DPH6: variants seen among roughly 807,000 people sequenced by gnomAD.
The protein encoded by DPH6 is diphthamine biosynthesis 6, also known as diphthine--ammonia ligase.
DPH6 carries 33 observed loss-of-function variants against 38.2 expected under a neutral mutation model. The observed-to-expected ratio is 0.86, with a 90% confidence interval of 0.65 to 1.15. The LOEUF (loss-of-function observed/expected upper bound fraction) is 1.15. DPH6 is among the 50% of genes most tolerant of loss of function. DPH6 has a pLI of 0.00. For synonymous variants in DPH6, 108 were observed against 103.0 expected (o/e 1.05, Z -0.30); for missense variants, 325 against 320.0 (o/e 1.02, Z -0.12).
chr15:35,436,382 C>T (rs960490310), intron 5 of DPH6, among the ~76,000 whole-genome samples: 156 of 151,992 alleles, frequency 1.0e-3, no homozygotes, highest in African/African-American at 3.6e-3. Flanking sequence ...AGGAGAATGG[C>T]GTGAACCAGG....
At chr15:35,469,656 T>C (rs904223571) in intron 3 of DPH6, among the ~76,000 whole-genome samples, 1 of 152,044 alleles carries the variant, frequency 6.6e-6, no homozygotes, top group Non-Finnish European at 1.5e-5. Context: ...AGATGTTGAG[T>C]GCCAATTGGA....
chr15:35,226,246 A>G (rs1190925805), intron 3 of DPH6, among the ~76,000 whole-genome samples: 1 of 152,248 alleles, frequency 6.6e-6, no homozygotes, highest in Non-Finnish European at 1.5e-5. Context: ...ATATTAGTGT[A>G]GTATGGTGAT....
At chr15:35,507,799 C>G (rs1174279398) in intron 3 of DPH6, among the ~76,000 whole-genome samples, 2 of 151,966 alleles carry the variant, frequency 1.3e-5, no homozygotes, top group Non-Finnish European at 2.9e-5. Flanking sequence ...GGGTTTTCAA[C>G]TCTTTAATCT....
chr15:35,222,546 T>G (rs1192027520), intron 3 of DPH6, among the ~76,000 whole-genome samples: 4 of 149,940 alleles, frequency 2.7e-5, no homozygotes, highest in Non-Finnish European at 4.4e-5. Flanking sequence ...AAGGGGGGGG[T>G]TTCAGGTCAT....
At chr15:35,248,451 A>G (rs2051650278) in intron 3 of DPH6, among the ~76,000 whole-genome samples, 1 of 152,222 alleles carries the variant, frequency 6.6e-6, no homozygotes, top group African/African-American at 2.4e-5. Context: ...AGAGAGGACA[A>G]GAAGAATCTG....
At chr15:35,207,976 A>G in the DPH6 span, among the ~76,000 whole-genome samples, 2 of 152,308 alleles carry the variant, frequency 1.3e-5, no homozygotes, top group East Asian at 3.9e-4. Flanking sequence ...AAGCTCTATT[A>G]CGATGACCAG....
chr15:35,527,832 C>T (rs984407514), intron 3 of DPH6, among the ~76,000 whole-genome samples: 1 of 151,972 alleles, frequency 6.6e-6, no homozygotes, highest in Non-Finnish European at 1.5e-5. Flanking sequence ...CCTAGCAGAA[C>T]GATGCTAAGC....
At chr15:35,157,855 C>G in the DPH6 span, among the ~76,000 whole-genome samples, 1 of 151,730 alleles carries the variant, frequency 6.6e-6, no homozygotes, top group Non-Finnish European at 1.5e-5. Flanking sequence ...GAAAGAAAGC[C>G]TAGCTTTTAA....
intron 1 of DPH6, among the ~76,000 whole-genome samples, chr15:35,542,948 AT>A (rs1178084338): frequency 2.0e-5 from 2 of 102,254 alleles, no homozygotes; most frequent in Non-Finnish European, 4.0e-5. Context: ...CTTAAGGAAT[AT>A]ATATATATAT....
chr15:35,229,609 TTGTC>T (rs2140391411), intron 3 of DPH6, among the ~76,000 whole-genome samples: 1 of 152,300 alleles, frequency 6.6e-6, no homozygotes, highest in Non-Finnish European at 1.5e-5. Context: ...TTATAGATGT[TTGTC>T]TGTGTCTGGG....
intron 3 of DPH6, among the ~76,000 whole-genome samples, chr15:35,336,972 G>C (rs9630445): frequency 0.03 from 4,544 of 152,134 alleles, 230 homozygotes; most frequent in African/African-American, 0.1. Flanking sequence ...AAATGAGTTA[G>C]GGAGGATTCC....
At chr15:35,193,386 G>C in the DPH6 span, among the ~76,000 whole-genome samples, 3 of 151,570 alleles carry the variant, frequency 2.0e-5, no homozygotes, top group South Asian at 4.2e-4. Context: ...ATAATATTTC[G>C]ATAAATTAAT....
chr15:35,446,924 A>G (rs903010501), intron 5 of DPH6, among the ~76,000 whole-genome samples: 2 of 150,430 alleles, frequency 1.3e-5, no homozygotes, highest in Admixed American at 6.6e-5. Context: ...GCTGGAGTGC[A>G]GTGGCGTGAT....
intron 6 of DPH6, among the ~76,000 whole-genome samples, chr15:35,399,244 T>G (rs910116564): frequency 3.9e-5 from 6 of 152,112 alleles, no homozygotes; most frequent in Non-Finnish European, 5.9e-5. Context: ...GATGGGGTAT[T>G]ATAGCTTTAA....
intron 6 of DPH6, chr15:35,400,891 G>A (rs2053208422): frequency 4.1e-6 from 4 of 963,990 alleles, no homozygotes; most frequent in African/African-American, 3.2e-5. Context: ...TGTGGAGGAG[G>A]TGGATGCAGC....
intron 3 of DPH6, among the ~76,000 whole-genome samples, chr15:35,224,979 T>C (rs1266552998): frequency 1.3e-5 from 2 of 152,206 alleles, no homozygotes; most frequent in African/African-American, 2.4e-5. Flanking sequence ...CCAGATTTTA[T>C]TCATATTTCA....
the DPH6 span, among the ~76,000 whole-genome samples, chr15:35,206,467 T>C: frequency 9.2e-5 from 14 of 152,316 alleles, no homozygotes; most frequent in African/African-American, 3.1e-4. Context: ...CTCTGCCTCC[T>C]ACAGGACAAA....
chr15:35,379,573 G>C (rs2052835304), intron 7 of DPH6, among the ~76,000 whole-genome samples: 1 of 152,082 alleles, frequency 6.6e-6, no homozygotes, highest in Admixed American at 6.6e-5. Context: ...TACAGTTTTA[G>C]AATGCACAAA....
chr15:35,268,464 T>C (rs2051798622), intron 3 of DPH6, among the ~76,000 whole-genome samples: 1 of 151,780 alleles, frequency 6.6e-6, no homozygotes, highest in South Asian at 2.1e-4. Flanking sequence ...TGACAAAATA[T>C]TCAAAAGTGA....
Sources: allele counts gnomAD v4.1 joint callset (sites outside exome capture counted in the v4.1 genomes callset), GRCh38; gene constraint gnomAD v4.1.1; transcripts MANE v1.5; gene names NCBI Gene and HGNC (gene_info 2026-07-23, HGNC 2026-07-21).